The following DPF3 variants were observed in gnomAD, a reference collection of about 807,000 sequenced individuals.
DPF3 encodes zinc finger protein DPF3.
In DPF3, 18 loss-of-function variants were observed where a neutral mutation model predicts 56.8. That is an observed-to-expected ratio of 0.32 (90% CI 0.22 to 0.47). The LOEUF (loss-of-function observed/expected upper bound fraction) is 0.47, where lower values mean the gene tolerates loss of function less well. Among genes scored for constraint, DPF3 ranks in the 20% least tolerant of loss-of-function variants. DPF3 has a pLI of 1.00. For synonymous variants in DPF3, 188 were observed against 180.2 expected (o/e 1.04, Z -0.35); for missense variants, 403 against 488.8 (o/e 0.82, Z 1.65).
rs2526934 is a variant in DPF3, at chr14:72,613,206, A to G, written c.*6091T>C. Among the ~76,000 whole-genome samples the G allele has an allele frequency of 0.03, 4,509 of 152,214 alleles. 213 individuals carry two copies. The highest frequency in any genetic ancestry group is 0.1 in the African/African-American group (4,268 of 41,518). On this transcript the variant is annotated 3_prime_UTR_variant, in exon 11 of 11. Transcript: ENST00000556509. ...TAGGGTTGTGTTGCTGAGGGAATAT[A>G]TAGGCCCCAGGGGCTCACAGGCCTC...
chr14:72,881,562 A>G (rs1886327167), intron 1 of DPF3, among the ~76,000 whole-genome samples: 1 of 152,204 alleles, frequency 6.6e-6, no homozygotes, highest in South Asian at 2.1e-4. Flanking sequence ...GCAAATAAAT[A>G]TATCAGTCTG....
chr14:72,690,475 AACAC>A (rs113474064), intron 7 of DPF3, among the ~76,000 whole-genome samples: 2 of 151,886 alleles, frequency 1.3e-5, no homozygotes, highest in African/African-American at 2.4e-5. Flanking sequence ...CATATACAAA[AACAC>A]ACACACACGC....
chr14:72,799,168 T>C lies in DPF3; in HGVS notation c.33-27275A>G, dbSNP rs1317015978. Reference sequence around the variant, plus strand: ...TCTGGGTCTTCCTTGACAGTGCAATTGTAATACCTCCATCCTTCCATCAAC... The same window carrying C: ...TCTGGGTCTTCCTTGACAGTGCAATCGTAATACCTCCATCCTTCCATCAAC... On this transcript the variant is annotated intron_variant, in intron 1 of 10. Transcript: ENST00000556509. Among the ~76,000 whole-genome samples, 22 of 152,260 alleles carry C rather than the reference T, an allele frequency of 1.4e-4. 1 individual carries two copies. Among genetic ancestry groups the C allele is most frequent in the Non-Finnish European group, 1.5e-5 (1 of 68,018 alleles).
chr14:72,718,714 A>T (rs1229411043), intron 5 of DPF3, among the ~76,000 whole-genome samples: 1 of 150,848 alleles, frequency 6.6e-6, no homozygotes, highest in Non-Finnish European at 1.5e-5. Context: ...GGGGGCTCTC[A>T]GTGTAAGGAA....
rs10522943 is a variant in DPF3 at position 72,853,034 on chromosome 14, C to CGTGTGTGTGTGTGTGTGTGTGTGT, written c.32+41022_32+41023insACACACACACACACACACACACAC. Among the ~76,000 whole-genome samples the CGTGTGTGTGTGTGTGTGTGTGTGT allele has an allele frequency of 4.1e-3, 588 of 144,074 alleles. 23 individuals carry two copies. The highest frequency in any genetic ancestry group is 0.011 in the Middle Eastern group (3 of 274). 94.5% of individuals were successfully genotyped at this position (144,074 alleles called of 152,430 possible). ...CAACAACTATTCTGCCATAGCCTTG[C>CGTGTGTGTGTGTGTGTGTGTGTGT]GTGTGTGTGTGTGTATGTGTGTGTG... is the stretch of plus-strand genomic sequence containing the variant. On this transcript the variant is annotated intron_variant, in intron 1 of 10. Coordinates refer to ENST00000556509, the MANE Select transcript of DPF3 (RefSeq NM_001280542.3).
intron 8 of DPF3, chr14:72,670,070 T>G: frequency 1.0e-6 from 1 of 985,782 alleles, no homozygotes; most frequent in Non-Finnish European, 1.2e-6. Flanking sequence ...GAAGTGCTAT[T>G]GGAAACATAA....
rs140915805 is a variant in DPF3, at chr14:72,892,320, C to T, written c.32+1737G>A. The T allele has an allele frequency of 4.3e-4, 661 of 1,535,426 alleles. 4 individuals carry two copies. The highest frequency in any genetic ancestry group is 1.8e-3 in the African/African-American group (132 of 73,164). On this transcript the variant is annotated intron_variant, in intron 1 of 10. Transcript: ENST00000556509. The stretch of plus-strand genomic sequence containing the variant: ...GCAGCGAGGATGCGGCGAAGTTACG[C>T]CCATTTATTCTGCCATAAAACATTT...
At chr14:72,847,790 G>A (rs1448324724) in intron 1 of DPF3, among the ~76,000 whole-genome samples, 1 of 152,164 alleles carries the variant, frequency 6.6e-6, no homozygotes, top group Non-Finnish European at 1.5e-5. Context: ...GGGATTAAAG[G>A]TGTGAGCCAC....
chr14:72,870,413 A>G (rs955812681), intron 1 of DPF3, among the ~76,000 whole-genome samples: 2 of 152,194 alleles, frequency 1.3e-5, no homozygotes, highest in African/African-American at 4.8e-5. Flanking sequence ...GGCTGAGTCC[A>G]GTCACCTTAC....
Position 72,710,501 on chromosome 14 carries a change from C to T in DPF3, c.604+3922G>A, listed in dbSNP as rs73298198. ...TGAGCAGTCAGGAGCCAGAAGCCTT[C>T]ATGTTTAAATGAAGTAGACTTGTCA... On this transcript the variant is annotated intron_variant, in intron 6 of 10. Transcript: ENST00000556509. Among the ~76,000 whole-genome samples, 1,380 of 152,328 alleles carry T rather than the reference C, an allele frequency of 9.1e-3. 19 individuals are homozygous for T. Among genetic ancestry groups the T allele is most frequent in the African/African-American group, 0.032 (1,329 of 41,572 alleles).
At chr14:72,754,951 T>C (rs1321652423) in intron 2 of DPF3, among the ~76,000 whole-genome samples, 1 of 152,224 alleles carries the variant, frequency 6.6e-6, no homozygotes, top group Non-Finnish European at 1.5e-5. Flanking sequence ...AGAACTGACC[T>C]GGACTCAGAA....
rs376458640 is a variant in DPF3 at position 72,838,908 on chromosome 14, C to CTT, written c.32+55147_32+55148dup. ...TATCATATATATTATCATATATATT[C>CTT]TTTTTTTTTTTTTTTTTTTTTTTTT... On this transcript the variant is annotated intron_variant, in intron 1 of 10. Transcript: ENST00000556509. Among the ~76,000 whole-genome samples the CTT allele has an allele frequency of 2.7e-4, 21 of 78,586 alleles. 1 individual carries two copies. The highest frequency in any genetic ancestry group is 1.0e-3 in the African/African-American group (15 of 14,410). The allele number at this position is 78,586 out of a possible 152,430, so 51.6% of individuals were successfully genotyped here.
At chr14:72,767,769 A>AAC (rs1481104146) in intron 2 of DPF3, among the ~76,000 whole-genome samples, 1 of 150,114 alleles carries the variant, frequency 6.7e-6, no homozygotes, top group African/African-American at 2.4e-5. Context: ...GCAAAAAAAA[A>AAC]AAAAAAAAAA....
intron 4 of DPF3, 129 bp downstream of exon 4, chr14:72,731,678 G>T: frequency 7.6e-7 from 1 of 1,315,306 alleles, no homozygotes; most frequent in Non-Finnish European, 1.0e-6. Context: ...GGCCACCATA[G>T]AAACAAGGCA....
At chr14:72,646,839 G>A (rs1007510821) in intron 8 of DPF3, among the ~76,000 whole-genome samples, 3 of 152,184 alleles carry the variant, frequency 2.0e-5, no homozygotes, top group African/African-American at 7.2e-5. Flanking sequence ...AGAATTACCG[G>A]GAGAGATGTT....
intron 3 of DPF3, among the ~76,000 whole-genome samples, chr14:72,746,660 C>T (rs888067211): frequency 5.3e-5 from 8 of 152,356 alleles, no homozygotes; most frequent in Middle Eastern, 3.4e-3. Flanking sequence ...ACTTTTCCCC[C>T]GAGGGCGGAT....
chr14:72,834,494 CA>C (rs375709642), intron 1 of DPF3, among the ~76,000 whole-genome samples: 19,276 of 90,990 alleles, frequency 0.21, 1,432 homozygotes, highest in East Asian at 0.46. Context: ...GAGACTGTCT[CA>C]AAAAAAAAAA....
At chr14:72,690,038 T>C (rs555555288) in intron 7 of DPF3, among the ~76,000 whole-genome samples, 1 of 152,270 alleles carries the variant, frequency 6.6e-6, no homozygotes, top group South Asian at 2.1e-4. Context: ...CAAATGATCC[T>C]TTTTGAAGAG....
intron 1 of DPF3, chr14:72,892,470 A>G: frequency 6.3e-6 from 9 of 1,428,852 alleles, no homozygotes; most frequent in Admixed American, 2.9e-5. Flanking sequence ...GGCAGCTTTC[A>G]TATAAATATA....
Sources: allele counts gnomAD v4.1 joint callset (sites outside exome capture counted in the v4.1 genomes callset), GRCh38; gene constraint gnomAD v4.1.1; transcripts MANE v1.5; gene names NCBI Gene and HGNC (gene_info 2026-07-23, HGNC 2026-07-21).